The following MYH16 variants were observed in gnomAD, a reference collection of about 807,000 sequenced individuals.
MYH16 encodes putative uncharacterized protein MYH16.
rs201230482 is a variant in MYH16, at chr7:99,302,317, TACACACACACACACAC to T, written n.5137+545_5137+560del. Among the ~76,000 whole-genome samples the T allele has an allele frequency of 7.1e-3, 682 of 95,580 alleles. 19 individuals are homozygous for T. The highest frequency in any genetic ancestry group is 0.03 in the African/African-American group (645 of 21,702). 62.7% of individuals were successfully genotyped at this position (95,580 alleles called of 152,430 possible). On this transcript the variant is annotated intron_variant and non_coding_transcript_variant, in intron 38 of 41. Coordinates refer to ENST00000439784, the Ensembl canonical transcript of MYH16. ...ACCATCTCAAAAAAAAAAAAATATA[TACACACACACACACAC>T]ACACACACACACACACACACACACA... is the stretch of plus-strand genomic sequence containing the variant.
At chr7:99,305,239 AAAGAG>A (rs1426462783) in intron 40 of MYH16, among the ~76,000 whole-genome samples, 2 of 151,894 alleles carry the variant, frequency 1.3e-5, no homozygotes, top group Non-Finnish European at 2.9e-5. Context: ...GGAGGGAAAG[AAAGAG>A]AAAAGGAAAT....
intron 2 of MYH16, among the ~76,000 whole-genome samples, chr7:99,244,764 C>T (rs1791708408): frequency 6.6e-6 from 1 of 152,206 alleles, no homozygotes; most frequent in Non-Finnish European, 1.5e-5. Context: ...GAGCCACACC[C>T]ACCCCCGGCT....
At chr7:99,244,573 A>G (rs1791706396) in intron 2 of MYH16, among the ~76,000 whole-genome samples, 1 of 152,162 alleles carries the variant, frequency 6.6e-6, no homozygotes. Context: ...GTCTATGGTT[A>G]TAGTCAAGAG....
At chr7:99,245,464 T>G (rs369277177) in intron 2 of MYH16, among the ~76,000 whole-genome samples, 2 of 152,152 alleles carry the variant, frequency 1.3e-5, no homozygotes, top group Non-Finnish European at 2.9e-5. Context: ...ATTTGGCCAT[T>G]TCCTGTCTTC....
chr7:99,245,704 T>A (rs1791721161), intron 2 of MYH16, among the ~76,000 whole-genome samples: 1 of 152,136 alleles, frequency 6.6e-6, no homozygotes. Flanking sequence ...ATTTTTGTAT[T>A]TTTAGTAGAG....
At chr7:99,240,150 G>A (rs151079296) in intron 1 of MYH16, among the ~76,000 whole-genome samples, 278 of 152,076 alleles carry the variant, frequency 1.8e-3, no homozygotes, top group African/African-American at 4.7e-3. Context: ...AATCCTTTTG[G>A]CAATCTTATG....
chr7:99,240,453 GAAAAC>G (rs533835516), intron 1 of MYH16, among the ~76,000 whole-genome samples: 2 of 152,050 alleles, frequency 1.3e-5, no homozygotes, highest in Non-Finnish European at 2.9e-5. Context: ...AGCAAGCAAA[GAAAAC>G]AAAACAAAAC....
intron 15 of MYH16, among the ~76,000 whole-genome samples, chr7:99,264,614 G>A (rs138886839): frequency 6.6e-6 from 1 of 152,150 alleles, no homozygotes; most frequent in Non-Finnish European, 1.5e-5. Flanking sequence ...TGAAGTTTGG[G>A]CATTACCTTC....
At chr7:99,284,893 GTC>G (rs1792256208) in exon 26 of MYH16, 1 of 456,630 alleles carries the variant, frequency 2.2e-6, no homozygotes, top group African/African-American at 2.0e-5. Context: ...AGGATGAGCA[GTC>G]TCTGAATTCC....
intron 19 of MYH16, among the ~76,000 whole-genome samples, chr7:99,272,166 GC>G (rs1792054449): frequency 6.6e-6 from 1 of 152,160 alleles, no homozygotes; most frequent in Admixed American, 6.5e-5. Flanking sequence ...GGAGGACACA[GC>G]TTAACCCCTA....
chr7:99,264,532 C>T (rs901111412), intron 15 of MYH16, among the ~76,000 whole-genome samples: 4 of 152,156 alleles, frequency 2.6e-5, no homozygotes, highest in African/African-American at 4.8e-5. Flanking sequence ...AGCGTGATCA[C>T]GCGAGATAGC....
chr7:99,296,597 G>A (rs1326634830), intron 33 of MYH16, 104 bp from the exon 15 acceptor site: 3 of 415,710 alleles, frequency 7.2e-6, no homozygotes, highest in Non-Finnish European at 1.5e-5. Flanking sequence ...GTAGTCTCAA[G>A]AGTTACTGGG....
At chr7:99,269,429 C>T (rs749038884) in intron 18 of MYH16, among the ~76,000 whole-genome samples, 20 of 152,226 alleles carry the variant, frequency 1.3e-4, no homozygotes, top group Non-Finnish European at 2.5e-4. Flanking sequence ...GTGCACACCT[C>T]CACATCTGGC....
intron 20 of MYH16, 134 bp downstream of exon 2, chr7:99,273,557 C>T (rs2150816654): frequency 1.8e-5 from 7 of 385,324 alleles, no homozygotes; most frequent in South Asian, 1.3e-4. Flanking sequence ...ACCTTAGAGA[C>T]AAAAATCTAG....
At chr7:99,255,083 A>G (rs1190171175) in intron 8 of MYH16, among the ~76,000 whole-genome samples, 1 of 152,150 alleles carries the variant, frequency 6.6e-6, no homozygotes, top group Non-Finnish European at 1.5e-5. Context: ...AGCCTGGCCA[A>G]CATGGCGAAA....
exon 16 of MYH16, chr7:99,265,168 C>G (rs765527050): frequency 6.6e-6 from 1 of 152,602 alleles, no homozygotes; most frequent in Non-Finnish European, 1.5e-5. Flanking sequence ...CTGTATTATC[C>G]CCAATGAGTT....
intron 14 of MYH16, among the ~76,000 whole-genome samples, chr7:99,263,902 A>G (rs1791963424): frequency 1.3e-5 from 2 of 152,182 alleles, no homozygotes; most frequent in Non-Finnish European, 2.9e-5. Flanking sequence ...GTGGGGCCAG[A>G]AACACCAGTC....
At chr7:99,260,326 C>G in exon 12 of MYH16, 1 of 1,343,630 alleles carries the variant, frequency 7.4e-7, no homozygotes, top group Non-Finnish European at 1.1e-6. Context: ...CATCGACCTG[C>G]TGGAAAAGGT....
chr7:99,296,947 G>A (rs1490370413), intron 34 of MYH16, 30 bp downstream of exon 15: 5 of 453,574 alleles, frequency 1.1e-5, no homozygotes, highest in African/African-American at 2.0e-5. Context: ...GATGGGATGG[G>A]CCTGTAGGGA....
Sources: allele counts gnomAD v4.1 joint callset (sites outside exome capture counted in the v4.1 genomes callset), GRCh38; gene constraint gnomAD v4.1.1; transcripts MANE v1.5; gene names NCBI Gene and HGNC (gene_info 2026-07-23, HGNC 2026-07-21).